The following MGA variants were observed in gnomAD, a reference collection of about 807,000 sequenced individuals.
MGA encodes MAX gene-associated protein.
A neutral mutation model predicts 261.1 loss-of-function variants in MGA; 40 were observed. The ratio of observed to expected loss-of-function variants is 0.15; its 90% CI spans 0.12 to 0.20. MGA has a LOEUF of 0.20. Ranked by LOEUF, MGA falls within the 10% of genes least tolerant of loss-of-function variation. The pLI is 1.00. For synonymous variants in MGA, 1,302 were observed against 1,290.6 expected (o/e 1.01, Z -0.19); for missense variants, 3,397 against 3,630.5 (o/e 0.94, Z 1.65).
intron 9 of MGA, among the ~76,000 whole-genome samples, chr15:41,724,459 A>G (rs1025332722): frequency 2.4e-4 from 37 of 152,238 alleles, no homozygotes; most frequent in Non-Finnish European, 1.5e-4. Context: ...TACGTAGTAG[A>G]AATTCAAATA....
intron 1 of MGA, among the ~76,000 whole-genome samples, chr15:41,653,230 G>T (rs1430614391): frequency 1.3e-5 from 2 of 151,904 alleles, no homozygotes; most frequent in African/African-American, 4.8e-5. Flanking sequence ...TTAGCAGGGT[G>T]TGGTGGTGGG....
Position 41,713,424 on chromosome 15 carries a change from G to A in MGA, c.3358G>A (p.Glu1120Lys). Residue 1120 changes from glutamate (E) to lysine (K), a missense_variant, in exon 9 of 24, where the codon GAG becomes AAG. Physicochemically the swap from Glu to Lys is moderately conservative, Grantham distance 56. Coordinates refer to ENST00000219905, the MANE Select transcript of MGA (RefSeq NM_001164273.2). ...TGATACTCTGGGAGAGGAGGCAAGG[G>A]AGGAGGAAGAAGGAATCAGGGAGGA... The A allele has an allele frequency of 6.3e-7, 1 of 1,579,038 alleles. No homozygotes were observed. The highest frequency in any genetic ancestry group is 8.6e-7 in the Non-Finnish European group (1 of 1,161,144).
rs562963221 is a variant in MGA at position 41,759,616 on chromosome 15, A to G, written c.7192-707A>G. 1.1e-4 allele frequency among the ~76,000 whole-genome samples: 17 copies of G among 152,130 alleles called. No homozygotes were observed. The South Asian group carries it at 2.9e-3, about 26-fold the overall frequency. On this transcript the variant is annotated intron_variant, in intron 19 of 23. Coordinates refer to ENST00000219905, the MANE Select transcript of MGA (RefSeq NM_001164273.2). ...CTGTGCCTGGCCAGCCTTTTCATAT[A>G]TTTTAAGTCCTATATGCAAAGATTG...
chr15:41,707,663 CAAA>C, intron 5 of MGA, 62 bp from the exon 6 acceptor site: 1 of 1,454,910 alleles, frequency 6.9e-7, no homozygotes, highest in Non-Finnish European at 9.3e-7. Context: ...AAGTTAAAAA[CAAA>C]GAAGGGAGAT....
chr15:41,722,751 G>A (rs1469716492), intron 9 of MGA, among the ~76,000 whole-genome samples: 1 of 152,166 alleles, frequency 6.6e-6, no homozygotes, highest in Non-Finnish European at 1.5e-5. Context: ...TATTAGCATG[G>A]CAGTTCTTGT....
chr15:41,697,418 C>CTTTTTTTTTTTTTTT (rs1204938099), intron 3 of MGA, among the ~76,000 whole-genome samples: 1 of 132,834 alleles, frequency 7.5e-6, no homozygotes. Context: ...TTTTTCTTTT[C>CTTTTTTTTTTTTTTT]TTTTTTTTTT....
At chr15:41,621,918 C>T (rs1306713704) in intron 1 of MGA, among the ~76,000 whole-genome samples, 2 of 152,062 alleles carry the variant, frequency 1.3e-5, no homozygotes, top group Non-Finnish European at 2.9e-5. Flanking sequence ...CCGCGGTGAG[C>T]ACAGACGACA....
intron 15 of MGA, among the ~76,000 whole-genome samples, chr15:41,747,286 A>G (rs1186012465): frequency 6.6e-6 from 1 of 152,102 alleles, no homozygotes; most frequent in Non-Finnish European, 1.5e-5. Context: ...TTGTTAGTGA[A>G]TTTTAAAAAC....
chr15:41,762,268 A>G lies in MGA; in HGVS notation c.7650A>G (p.Gly2550=). The change falls in exon 22 of 24, where the codon GGA becomes GGG. Residue 2550 remains glycine (G), a synonymous_variant. Transcript: ENST00000219905. ...CCAGAATTAGCAAACAGCAGGAAGGATCTTCTGCATCATCTGTAGATCTTG... is the reference window on the plus strand; with the variant it reads ...CCAGAATTAGCAAACAGCAGGAAGGGTCTTCTGCATCATCTGTAGATCTTG... The G allele has an allele frequency of 6.2e-7, 1 of 1,613,888 alleles. No individual in the cohort carries two copies. Among genetic ancestry groups the G allele is most frequent in the Middle Eastern group, 1.6e-4 (1 of 6,062 alleles).
At chr15:41,758,708 T>C (rs1041750485) in intron 19 of MGA, among the ~76,000 whole-genome samples, 3 of 152,334 alleles carry the variant, frequency 2.0e-5, no homozygotes, top group Non-Finnish European at 2.9e-5. Flanking sequence ...TCTTCTTGGC[T>C]GTTTTATTCT....
intron 15 of MGA, among the ~76,000 whole-genome samples, chr15:41,746,563 A>G (rs1040719945): frequency 6.6e-5 from 10 of 151,926 alleles, no homozygotes; most frequent in East Asian, 1.9e-4. Context: ...AAAAAAAAAA[A>G]AAAAGGTAGA....
chr15:41,761,224 T>C (rs1459267395), intron 20 of MGA, among the ~76,000 whole-genome samples: 1 of 152,266 alleles, frequency 6.6e-6, no homozygotes, highest in Non-Finnish European at 1.5e-5. Flanking sequence ...AGTGATATTT[T>C]AATATGCTTA....
At chr15:41,729,860 TTTTTC>T (rs764243271) in intron 11 of MGA, among the ~76,000 whole-genome samples, 9 of 151,956 alleles carry the variant, frequency 5.9e-5, no homozygotes, top group African/African-American at 1.7e-4. Context: ...TTATTCTTTC[TTTTTC>T]TTTTCTTTTT....
chr15:41,756,214 T>TA (rs1222517846), intron 18 of MGA, among the ~76,000 whole-genome samples: 1 of 152,108 alleles, frequency 6.6e-6, no homozygotes, highest in Non-Finnish European at 1.5e-5. Context: ...AAAAAATTGT[T>TA]ACAAGTCAGT....
chr15:41,634,914 A>T (rs1358661051), intron 1 of MGA, among the ~76,000 whole-genome samples: 2 of 152,138 alleles, frequency 1.3e-5, no homozygotes, highest in Non-Finnish European at 2.9e-5. Context: ...TTAATGAAAA[A>T]ATAGTACTTG....
intron 10 of MGA, 96 bp from the exon 11 acceptor site, chr15:41,729,068 G>A (rs1383383255): frequency 7.7e-7 from 1 of 1,291,424 alleles, no homozygotes; most frequent in Non-Finnish European, 1.1e-6. Context: ...AATTTCGACT[G>A]TTGTAATACA....
chr15:41,717,687 A>G (rs967204880), intron 9 of MGA, among the ~76,000 whole-genome samples: 6 of 152,344 alleles, frequency 3.9e-5, no homozygotes, highest in Admixed American at 2.0e-4. Flanking sequence ...TCTATAAAAC[A>G]TTAAAGACTA....
At chr15:41,691,442 TAGTA>T in intron 2 of MGA, 1 of 213,014 alleles carries the variant, frequency 4.7e-6, no homozygotes, top group Non-Finnish European at 1.0e-5. Flanking sequence ...GTGGATTCTT[TAGTA>T]TTTTCCATAT....
chr15:41,760,270 A>G, intron 19 of MGA, 53 bp from the exon 20 acceptor site: 1 of 1,561,052 alleles, frequency 6.4e-7, no homozygotes, highest in Non-Finnish European at 8.8e-7. Flanking sequence ...GAAACAGAGT[A>G]AGAGGGCCAA....
Sources: allele counts gnomAD v4.1 joint callset (sites outside exome capture counted in the v4.1 genomes callset), GRCh38; gene constraint gnomAD v4.1.1; transcripts MANE v1.5; gene names NCBI Gene and HGNC (gene_info 2026-07-23, HGNC 2026-07-21).